Variants in ANO1 observed in about 807,000 individuals in gnomAD.
ANO1 encodes the protein anoctamin 1.
In ANO1, 59 loss-of-function variants were observed where a neutral mutation model predicts 124.0. The observed-to-expected ratio is 0.48, with a 90% confidence interval of 0.39 to 0.59. The LOEUF (loss-of-function observed/expected upper bound fraction) is 0.59. Ranked by LOEUF, ANO1 falls within the 20% of genes least tolerant of loss-of-function variation. ANO1 has a pLI of 0.00. For missense variants in ANO1, 1,059 were observed against 1,328.0 expected (o/e 0.80, Z 3.15); for synonymous variants, 529 against 532.0 (o/e 0.99, Z 0.08).
At chr11:70,117,299 G>A (rs2135436446) in intron 8 of ANO1, among the ~76,000 whole-genome samples, 1 of 152,044 alleles carries the variant, frequency 6.6e-6, no homozygotes, top group East Asian at 1.9e-4. Flanking sequence ...TTGAACTCCT[G>A]ACCTCAAATG....
intron 1 of ANO1, among the ~76,000 whole-genome samples, chr11:70,082,044 G>T (rs974332731): frequency 6.6e-6 from 1 of 152,236 alleles, no homozygotes; most frequent in East Asian, 1.9e-4. Context: ...CCTAAGTCCA[G>T]ATGTCTTTGT....
chr11:70,001,827 C>T (rs938939618), intron 1 of ANO1, among the ~76,000 whole-genome samples: 2 of 152,048 alleles, frequency 1.3e-5, no homozygotes, highest in Non-Finnish European at 2.9e-5. Context: ...GAGACAGATT[C>T]TCACTCTTGT....
At chr11:69,971,279 G>A in the ANO1 span, among the ~76,000 whole-genome samples, 5 of 152,166 alleles carry the variant, frequency 3.3e-5, no homozygotes, top group Admixed American at 6.5e-5. Flanking sequence ...CTCCAGCCTA[G>A]ACCACGTGTG....
intron 1 of ANO1, among the ~76,000 whole-genome samples, chr11:69,991,464 T>C (rs532051978): frequency 6.6e-6 from 1 of 152,246 alleles, no homozygotes; most frequent in East Asian, 1.9e-4. Flanking sequence ...CCTGCCCCCC[T>C]GTCCTCTGTG....
chr11:70,088,293 C>T (rs979814094), intron 2 of ANO1, among the ~76,000 whole-genome samples: 13 of 152,136 alleles, frequency 8.5e-5, no homozygotes, highest in African/African-American at 2.6e-4. Context: ...GGGTGGTTCA[C>T]GAGGTCAAGA....
upstream of ANO1, among the ~76,000 whole-genome samples, chr11:69,983,775 T>C (rs1367613380): frequency 2.6e-5 from 4 of 152,232 alleles, no homozygotes; most frequent in African/African-American, 4.8e-5. Flanking sequence ...TTTTTGCATA[T>C]GTTGGCCACA....
At chr11:70,108,770 G>A (rs760727711) in intron 6 of ANO1, among the ~76,000 whole-genome samples, 5 of 152,276 alleles carry the variant, frequency 3.3e-5, no homozygotes, top group Admixed American at 2.0e-4. Context: ...GGTTCCAGCC[G>A]GGGCGGCATC....
chr11:70,112,408 G>T (rs1003688005), intron 7 of ANO1, among the ~76,000 whole-genome samples: 2 of 152,134 alleles, frequency 1.3e-5, no homozygotes, highest in Admixed American at 6.5e-5. Context: ...GACAGGCCTG[G>T]GACTAAGGAG....
chr11:70,147,626 A>G (rs886670265), intron 11 of ANO1, among the ~76,000 whole-genome samples: 1 of 152,188 alleles, frequency 6.6e-6, no homozygotes, highest in African/African-American at 2.4e-5. Context: ...TTGGGAAATC[A>G]GAAGGTGGGA....
chr11:69,992,634 T>A (rs1856179404), intron 1 of ANO1, among the ~76,000 whole-genome samples: 1 of 152,090 alleles, frequency 6.6e-6, no homozygotes. Context: ...CCAACCTAGG[T>A]CCTCACTAAT....
intron 23 of ANO1, among the ~76,000 whole-genome samples, chr11:70,181,234 G>A (rs990468398): frequency 3.3e-5 from 5 of 152,220 alleles, no homozygotes; most frequent in African/African-American, 1.2e-4. Flanking sequence ...GGGACACGGG[G>A]TGGCTCCCCA....
chr11:70,168,861 C>T (rs2048351597), intron 21 of ANO1, among the ~76,000 whole-genome samples: 1 of 152,182 alleles, frequency 6.6e-6, no homozygotes, highest in Non-Finnish European at 1.5e-5. Flanking sequence ...TATGTCGCTC[C>T]TGGCTCCCCA....
intron 1 of ANO1, among the ~76,000 whole-genome samples, chr11:70,027,558 T>G (rs182084325): frequency 6.6e-6 from 1 of 152,344 alleles, no homozygotes; most frequent in African/African-American, 2.4e-5. Context: ...CTGCAAACAC[T>G]TAAGCCACAT....
the ANO1 span, among the ~76,000 whole-genome samples, chr11:69,966,612 A>T: frequency 6.6e-6 from 1 of 151,996 alleles, no homozygotes; most frequent in Non-Finnish European, 1.5e-5. Flanking sequence ...AGAGCTGGCG[A>T]TGGAGGAGAC....
chr11:70,123,779 T>C (rs1302664420), intron 8 of ANO1, among the ~76,000 whole-genome samples: 1 of 152,048 alleles, frequency 6.6e-6, no homozygotes, highest in Non-Finnish European at 1.5e-5. Context: ...TATTTTTTTA[T>C]TTTTTTACTA....
intron 1 of ANO1, among the ~76,000 whole-genome samples, chr11:70,038,019 G>T (rs576311188): frequency 1.3e-5 from 2 of 152,328 alleles, no homozygotes; most frequent in Admixed American, 6.5e-5. Flanking sequence ...AGTCGCAGTG[G>T]CTCATGCCTG....
intron 23 of ANO1, among the ~76,000 whole-genome samples, chr11:70,180,693 G>A (rs549285360): frequency 3.3e-5 from 5 of 152,300 alleles, no homozygotes; most frequent in Non-Finnish European, 5.9e-5. Flanking sequence ...GGAAGACAGA[G>A]ACAGAGATAG....
chr11:70,009,416 A>G (rs917687994), intron 1 of ANO1, among the ~76,000 whole-genome samples: 11 of 152,166 alleles, frequency 7.2e-5, no homozygotes, highest in Non-Finnish European at 1.5e-4. Context: ...GGCCTCTGAC[A>G]TCTGCTGCTG....
At chr11:69,973,765 G>C in the ANO1 span, among the ~76,000 whole-genome samples, 1 of 151,672 alleles carries the variant, frequency 6.6e-6, no homozygotes, top group Non-Finnish European at 1.5e-5. Flanking sequence ...CCAGCTACTC[G>C]GGAGGCTAAG....
Sources: gnomAD v4.1 joint callset for allele counts (sites outside exome capture counted in the v4.1 genomes callset) on GRCh38, gnomAD v4.1.1 for gene constraint, MANE v1.5 for transcripts, NCBI Gene and HGNC (gene_info 2026-07-23, HGNC 2026-07-21) for gene names.